NUP210L: variants seen among roughly 807,000 people sequenced by gnomAD.
NUP210L encodes the protein nuclear pore membrane glycoprotein 210-like.
In NUP210L, 74 loss-of-function variants were observed where a neutral mutation model predicts 208.5. The ratio of observed to expected loss-of-function variants is 0.35; its 90% CI spans 0.29 to 0.43. NUP210L has a LOEUF of 0.43. Among genes scored for constraint, NUP210L ranks in the 20% least tolerant of loss-of-function variants. The pLI, the probability that NUP210L is intolerant of heterozygous loss-of-function variation, is 1.00. For synonymous variants in NUP210L, 780 were observed against 816.9 expected, an observed-to-expected ratio of 0.95 and a Z score of 0.77; for missense variants, 1,843 against 2,289.4, an observed-to-expected ratio of 0.81 and a Z score of 3.98.
chr1:154,081,178 C>T (rs1002192841), intron 16 of NUP210L, among the ~76,000 whole-genome samples: 2 of 151,062 alleles, frequency 1.3e-5, no homozygotes, highest in Non-Finnish European at 2.9e-5. Flanking sequence ...TTTTAAATGG[C>T]CCAGCTATAT....
intron 4 of NUP210L, among the ~76,000 whole-genome samples, chr1:154,140,350 CAA>C (rs375907073): frequency 8.4e-5 from 6 of 71,562 alleles, no homozygotes; most frequent in Non-Finnish European, 2.8e-5. Context: ...GACTCCGTCT[CAA>C]AAAAAAAAAA....
chr1:154,147,642 T>C (rs1198588775), intron 2 of NUP210L, among the ~76,000 whole-genome samples: 1 of 151,558 alleles, frequency 6.6e-6, no homozygotes, highest in East Asian at 2.0e-4. Flanking sequence ...CTAGTGCCCT[T>C]GGCCCAACAC....
At chr1:154,022,378 A>AAG (rs1165041095) in intron 31 of NUP210L, 35 bp from the exon 32 acceptor site, 1 of 1,537,472 alleles carries the variant, frequency 6.5e-7, no homozygotes, top group South Asian at 1.1e-5. Context: ...AATCTTTAAA[A>AAG]AGAGACAATA....
At chr1:154,145,489 C>T (rs867895236) in intron 2 of NUP210L, among the ~76,000 whole-genome samples, 2 of 151,748 alleles carry the variant, frequency 1.3e-5, no homozygotes, top group Non-Finnish European at 2.9e-5. Context: ...GTAAATGGCC[C>T]TCAACAAGGG....
At chr1:154,047,120 G>A (rs552917886) in intron 25 of NUP210L, among the ~76,000 whole-genome samples, 1 of 152,240 alleles carries the variant, frequency 6.6e-6, no homozygotes, top group South Asian at 2.1e-4. Context: ...GGGTGGGTAG[G>A]GGGGCTATGG....
chr1:154,122,725 G>C (rs1657678014), intron 10 of NUP210L, among the ~76,000 whole-genome samples: 1 of 152,082 alleles, frequency 6.6e-6, no homozygotes, highest in South Asian at 2.1e-4. Context: ...ATACAATGCT[G>C]GTGGAATGTA....
At chr1:154,045,941 C>T (rs775197772) in intron 27 of NUP210L, 128 bp downstream of exon 27, 68 of 808,624 alleles carry the variant, frequency 8.4e-5, no homozygotes, top group Non-Finnish European at 1.2e-4. Flanking sequence ...GCTGAGATTG[C>T]ACCACTGCAC....
chr1:153,994,029 C>A (rs1173523956), intron 38 of NUP210L, among the ~76,000 whole-genome samples: 1 of 152,050 alleles, frequency 6.6e-6, no homozygotes, highest in Non-Finnish European at 1.5e-5. Flanking sequence ...ATGTGTGCCA[C>A]CACCACACCC....
intron 27 of NUP210L, among the ~76,000 whole-genome samples, chr1:154,031,892 A>T (rs201876257): frequency 7.8e-5 from 7 of 90,242 alleles, no homozygotes; most frequent in Non-Finnish European, 1.7e-4. Context: ...TGGCTAAATT[A>T]AAAAAAATTT....
exon 15 of NUP210L, chr1:154,095,013 T>C: frequency 6.2e-7 from 1 of 1,614,194 alleles, no homozygotes. Flanking sequence ...ACACTTGTGC[T>C]ATTCCAATCT....
At position 154,114,248 on chromosome 1, in the gene NUP210L, G is replaced by A. The variant is rs180795555; in HGVS notation, c.1620+3477C>T. 7.2e-5 allele frequency among the ~76,000 whole-genome samples: 11 copies of A among 152,028 alleles called. No individual in the cohort carries two copies. In the East Asian group the frequency reaches 1.7e-3, roughly 24 times the overall value. Reference sequence around the variant, plus strand: ...GTCAAGGCTGGAGTAGGCCACGATTGTGCCACTGCATTGAACCTGGGCAAC... The same window carrying A: ...GTCAAGGCTGGAGTAGGCCACGATTATGCCACTGCATTGAACCTGGGCAAC... On this transcript the variant is annotated intron_variant, in intron 12 of 39. Coordinates refer to ENST00000368559, the Ensembl canonical transcript of NUP210L.
chr1:154,049,079 A>C (rs996282980), intron 25 of NUP210L, among the ~76,000 whole-genome samples: 2 of 152,206 alleles, frequency 1.3e-5, no homozygotes, highest in African/African-American at 4.8e-5. Context: ...TGGTAGATAC[A>C]GGAGTGGACA....
intron 38 of NUP210L, among the ~76,000 whole-genome samples, chr1:153,994,635 G>A (rs189367315): frequency 2.6e-5 from 4 of 151,796 alleles, no homozygotes; most frequent in Non-Finnish European, 4.4e-5. Context: ...AATCCACCAC[G>A]TTACTAGGAC....
chr1:154,070,529 A>G (rs1654658027), intron 16 of NUP210L, 64 bp from the exon 17 acceptor site: 2 of 1,089,220 alleles, frequency 1.8e-6, no homozygotes, highest in Admixed American at 6.8e-5. Context: ...GGGTAGTAAG[A>G]TATCTCTAAA....
intron 16 of NUP210L, among the ~76,000 whole-genome samples, chr1:154,082,412 A>C (rs1159604991): frequency 1.3e-5 from 2 of 152,230 alleles, no homozygotes; most frequent in African/African-American, 2.4e-5. Flanking sequence ...CAGAGCCTCA[A>C]AATACATGAA....
intron 33 of NUP210L, among the ~76,000 whole-genome samples, chr1:154,017,350 A>G (rs1651316321): frequency 6.6e-6 from 1 of 151,278 alleles, no homozygotes; most frequent in Non-Finnish European, 1.5e-5. Flanking sequence ...CACTAGCACC[A>G]GTCTCCATAC....
At chr1:154,047,952 A>G (rs764230827) in intron 25 of NUP210L, among the ~76,000 whole-genome samples, 20 of 152,276 alleles carry the variant, frequency 1.3e-4, no homozygotes, top group African/African-American at 4.6e-4. Context: ...AGTACTCTTA[A>G]GCAATCCCTG....
intron 1 of NUP210L, 90 bp from the exon 2 acceptor site, chr1:154,152,962 C>T (rs1659476015): frequency 8.8e-7 from 1 of 1,135,756 alleles, no homozygotes; most frequent in African/African-American, 1.5e-5. Flanking sequence ...TTCCATGTTA[C>T]ATACTACCAG....
rs1172551250 is a variant in NUP210L at position 154,131,143 on chromosome 1, G to T, written c.1010-1798C>A. Among the ~76,000 whole-genome samples, 13 of 151,778 alleles carry T rather than the reference G, an allele frequency of 8.6e-5. No individual in the cohort carries two copies. In the East Asian group the frequency reaches 2.5e-3, roughly 29 times the overall value. On this transcript the variant is annotated intron_variant, in intron 7 of 39. Transcript: ENST00000368559. ...AAAAATTAGCCAGGCGTGGTGGCAG[G>T]CGCCTGTAGTCCCAGCTACTTGGGA...
Sources: allele counts gnomAD v4.1 joint callset (sites outside exome capture counted in the v4.1 genomes callset), GRCh38; gene constraint gnomAD v4.1.1; transcripts MANE v1.5; gene names NCBI Gene and HGNC (gene_info 2026-07-23, HGNC 2026-07-21).